Variants in HMCN2 observed in about 807,000 individuals in gnomAD.
HMCN2 encodes the protein hemicentin-2.
In HMCN2, 325 loss-of-function variants were observed where a neutral mutation model predicts 377.5. The observed-to-expected ratio is 0.86, with a 90% CI of 0.79 to 0.94. The LOEUF (loss-of-function observed/expected upper bound fraction) is 0.94. Among genes scored for constraint, HMCN2 ranks in the 40% least tolerant of loss-of-function variants. The pLI is 0.00. For synonymous variants in HMCN2, 2,007 were observed against 2,046.8 expected (o/e 0.98, Z 0.53); for missense variants, 4,543 against 4,725.3 (o/e 0.96, Z 1.13).
chr9:130,429,775 G>A, intron 94 of HMCN2, 90 bp downstream of exon 94: 1 of 1,447,054 alleles, frequency 6.9e-7, no homozygotes, highest in East Asian at 2.5e-5. Context: ...CCTAGTTACG[G>A]GGACACCCAC....
At position 130,319,608 on chromosome 9, in the gene HMCN2, G is replaced by A. The variant is rs981866684; in HGVS notation, c.2464G>A (p.Gly822Arg). 3 of 152,304 alleles carry A rather than the reference G, an allele frequency of 2.0e-5. No homozygotes were observed. Among genetic ancestry groups the A allele is most frequent in the Admixed American group, 6.5e-5 (1 of 15,302 alleles). The allele number at this position is 152,304 out of a possible 1,614,324, so 9.4% of individuals were successfully genotyped here. Residue 822 changes from glycine (G) to arginine (R), a missense_variant, in exon 16 of 98, where the codon GGA (glycine) becomes AGA (arginine). Around this residue, in one of 5 missense-constraint regions of HMCN2, gnomAD observed 547 missense variants for 189.9 expected, o/e 2.88. Transcript: ENST00000683500. The stretch of plus-strand genomic sequence containing the variant: ...GCCCCCGACGGTCACCTGGCGCCGC[G>A]GAGATGGCCAGCCTCTGGGACTCAG... ...RPPPTVTWRR[G>R]DGQPLGLRLG...
In HMCN2 at chr9:130,364,744, A is replaced by C; in HGVS notation, c.6263A>C (p.Asn2088Thr). 1 of 985,996 alleles carries C rather than the reference A, an allele frequency of 1.0e-6. No individual in the cohort carries two copies. The highest frequency in any genetic ancestry group is 1.2e-6 in the Non-Finnish European group (1 of 830,062). The allele number at this position is 985,996 out of a possible 1,614,324, so 61.1% of individuals were successfully genotyped here. Residue 2088 changes from asparagine (N) to threonine (T), a missense_variant, in exon 41 of 98, where the codon AAT becomes ACT. By Grantham distance (65) the Asn-to-Thr change is moderately conservative. This residue lies in a region of HMCN2 where 1,032 missense variants were observed against 1,285.1 expected (regional missense o/e 0.80). Coordinates refer to ENST00000683500, the MANE Select transcript of HMCN2 (RefSeq NM_001291815.2). ...MPPSILGEELNVSVVANESVA... is the reference protein window; with the variant it reads ...MPPSILGEELTVSVVANESVA... ...CCGAGTATCCTTGGAGAAGAGCTGA[A>C]TGTGTCCGTTGTGGCCAATGAGTCA...
In HMCN2 at chr9:130,329,225, A is replaced by G. The variant is rs1011678943; in HGVS notation, c.3359+1750A>G. Among the ~76,000 whole-genome samples, 758 of 152,286 alleles carry G rather than the reference A, an allele frequency of 5.0e-3. 12 individuals are homozygous for G. The highest frequency in any genetic ancestry group is 0.017 in the African/African-American group (706 of 41,542). On this transcript the variant is annotated intron_variant, in intron 22 of 97. Coordinates refer to ENST00000683500, the MANE Select transcript of HMCN2 (RefSeq NM_001291815.2). Reference sequence around the variant, plus strand: ...GCTTTCAGCCTATTCTGGACATTTGATATAAATGAATTACATGGGGCCTTT... The same window carrying G: ...GCTTTCAGCCTATTCTGGACATTTGGTATAAATGAATTACATGGGGCCTTT...
At chr9:130,429,437 GCACT>G (rs1371049659) in intron 93 of HMCN2, 116 bp from the exon 94 acceptor site, 1 of 1,284,176 alleles carries the variant, frequency 7.8e-7, no homozygotes, top group East Asian at 2.6e-5. Context: ...CAGCCTGGTG[GCACT>G]GAAACTGGAG....
intron 1 of HMCN2, among the ~76,000 whole-genome samples, chr9:130,270,488 G>A (rs1554920765): frequency 1.4e-5 from 2 of 147,894 alleles, no homozygotes; most frequent in Admixed American, 6.8e-5. Flanking sequence ...GATTGCTTGA[G>A]CCCAGGAGGT....
chr9:130,331,953 C>T (rs1281281390), intron 22 of HMCN2, among the ~76,000 whole-genome samples: 1 of 152,210 alleles, frequency 6.6e-6, no homozygotes, highest in East Asian at 1.9e-4. Context: ...CCCTCCTCTG[C>T]CCCTTCCCAA....
chr9:130,432,562 G>C lies in HMCN2; in HGVS notation c.14894+7G>C. 6.5e-7 allele frequency: 1 copy of C among 1,549,342 alleles called. No homozygotes were observed. The highest frequency in any genetic ancestry group is 1.4e-5 in the African/African-American group (1 of 73,150). ...GGCAGGGCCCCAGCCCTGGGTAAGG[G>C]CTGAGTTGGCAGGGCCTCGTGCCCT... On this transcript the variant is annotated splice_region_variant and intron_variant, in intron 97 of 97. Coordinates refer to ENST00000683500, the MANE Select transcript of HMCN2 (RefSeq NM_001291815.2).
At chr9:130,292,542 T>C (rs1835840085) in intron 4 of HMCN2, among the ~76,000 whole-genome samples, 1 of 152,238 alleles carries the variant, frequency 6.6e-6, no homozygotes, top group African/African-American at 2.4e-5. Flanking sequence ...TTCTTTCTCT[T>C]CGATTAAGGA....
chr9:130,282,846 G>A (rs1835198756), intron 1 of HMCN2, among the ~76,000 whole-genome samples: 1 of 152,178 alleles, frequency 6.6e-6, no homozygotes, highest in Non-Finnish European at 1.5e-5. Context: ...TGAGGTGGGA[G>A]CATCACTTGA....
At chr9:130,420,179 A>T (rs2131792585) in intron 86 of HMCN2, among the ~76,000 whole-genome samples, 1 of 142,428 alleles carries the variant, frequency 7.0e-6, no homozygotes, top group African/African-American at 2.6e-5. Context: ...GGTTCACACC[A>T]TTCTCCTGCC....
Position 130,382,699 on chromosome 9 carries a change from G to A in HMCN2, c.8566G>A (p.Asp2856Asn). The change falls in exon 56 of 98, where the codon GAC becomes AAC. Residue 2856 changes from aspartate (D) to asparagine (N), a missense_variant. Transcript: ENST00000683500. Reference protein sequence around the residue: ...LVLTPPVILGDTEELVEEVTV... With the variant: ...LVLTPPVILGNTEELVEEVTV... ...CCCAGCCCCACCTGTGATCCTGGGT[G>A]ACACAGAGGAGCTGGTGGAAGAGGT... The A allele has an allele frequency of 1.0e-6, 1 of 985,578 alleles. No homozygotes were observed. Among genetic ancestry groups the A allele is most frequent in the Non-Finnish European group, 1.2e-6 (1 of 829,836 alleles). 61.1% of individuals were successfully genotyped at this position (985,578 alleles called of 1,614,324 possible).
At chr9:130,410,284 G>A (rs1427407190) in intron 84 of HMCN2, among the ~76,000 whole-genome samples, 1 of 135,270 alleles carries the variant, frequency 7.4e-6, no homozygotes, top group Non-Finnish European at 1.7e-5. Flanking sequence ...TTTGGAAGAG[G>A]TGGATCTACA....
intron 95 of HMCN2, chr9:130,430,986 A>C (rs1844709551): frequency 8.8e-6 from 2 of 228,214 alleles, no homozygotes; most frequent in Non-Finnish European, 1.6e-5. Flanking sequence ...AGACATGAGA[A>C]TGTGACAAGG....
chr9:130,384,683 A>T lies in HMCN2; in HGVS notation c.8993-2A>T. ...GTGTGAGGGGCTGGCTTCCCCCGGC[A>T]GGCACCCACACGCTGCAGCTGGGGA... On this transcript the variant is annotated splice_acceptor_variant, in intron 58 of 97. Coordinates refer to ENST00000683500, the MANE Select transcript of HMCN2 (RefSeq NM_001291815.2). LOFTEE classifies it high-confidence loss of function. 1.5e-6 allele frequency: 2 copies of T among 1,302,300 alleles called. No homozygotes were observed. Among genetic ancestry groups the T allele is most frequent in the South Asian group, 2.5e-5 (2 of 81,000 alleles). 80.7% of individuals were successfully genotyped at this position (1,302,300 alleles called of 1,614,324 possible).
At position 130,351,487 on chromosome 9, in the gene HMCN2, G is replaced by T; in HGVS notation, c.4495G>T (p.Gly1499Cys). Residue 1499 changes from glycine (G) to cysteine (C), a missense_variant, in exon 30 of 98, where the codon GGC becomes TGC. Gly to Cys is a radical substitution (Grantham distance 159). Coordinates refer to ENST00000683500, the MANE Select transcript of HMCN2 (RefSeq NM_001291815.2). The surrounding 1 kb of genome is among the most constrained non-coding windows in gnomAD (Gnocchi z 5.4). ...QEDGQVLRIT[G>C]SHVGDEGRYQ... ...GGATGGCCAGGTTCTCAGGATCACC[G>T]GCAGTCACGTGGGGGATGAGGGACG... The T allele has an allele frequency of 7.7e-7, 1 of 1,304,298 alleles. No homozygotes were observed. Among genetic ancestry groups the T allele is most frequent in the Non-Finnish European group, 1.0e-6 (1 of 988,954 alleles). 80.8% of individuals were successfully genotyped at this position (1,304,298 alleles called of 1,614,324 possible).
chr9:130,349,704 C>G, intron 29 of HMCN2, 41 bp downstream of exon 29: 1 of 1,287,554 alleles, frequency 7.8e-7, no homozygotes, highest in Non-Finnish European at 1.0e-6. Flanking sequence ...TGGTGGTGCC[C>G]AGACTCAGCC....
At chr9:130,384,642 C>T (rs963375369) in intron 58 of HMCN2, 43 bp from the exon 59 acceptor site, 83 of 1,300,212 alleles carry the variant, frequency 6.4e-5, no homozygotes, top group Non-Finnish European at 8.2e-5. Flanking sequence ...GGACTGGGGG[C>T]TGGGCTGGAA....
intron 82 of HMCN2, chr9:130,406,424 G>C: frequency 2.9e-6 from 1 of 344,920 alleles, no homozygotes; most frequent in South Asian, 2.2e-5. Flanking sequence ...GGCCAGGAAG[G>C]GGAGGCCTGT....
In HMCN2 at chr9:130,364,898, G is replaced by T. The variant is rs1331905182; in HGVS notation, c.6408+9G>T. The T allele has an allele frequency of 2.0e-6, 2 of 985,816 alleles. No individual in the cohort carries two copies. The highest frequency in any genetic ancestry group is 1.1e-4 in the East Asian group (1 of 8,808). 61.1% of individuals were successfully genotyped at this position (985,816 alleles called of 1,614,324 possible). A position where few individuals can be genotyped will look rare whatever the true frequency, so the allele number is the denominator to read the frequency against. On this transcript the variant is annotated intron_variant, in intron 41 of 97. Coordinates refer to ENST00000683500, the MANE Select transcript of HMCN2 (RefSeq NM_001291815.2). ...ACAAAGCCTTGCTGCAGGTGTGCAG[G>T]CCCCTGGCCAGCCAAGCAGGCCTCC...
Sources: allele counts gnomAD v4.1 joint callset (sites outside exome capture counted in the v4.1 genomes callset), GRCh38; gene constraint gnomAD v4.1.1; regional missense constraint gnomAD v4.1.1; non-coding constraint Gnocchi (gnomAD v3.1); transcripts MANE v1.5; gene names NCBI Gene and HGNC (gene_info 2026-07-23, HGNC 2026-07-21).